Variants in ANXA8 observed in about 807,000 individuals in gnomAD.
ANXA8 encodes the protein annexin A8.
In ANXA8, 9 loss-of-function variants were observed where a neutral mutation model predicts 26.8. The observed-to-expected ratio is 0.34, with a 90% CI of 0.20 to 0.59. The LOEUF (loss-of-function observed/expected upper bound fraction) is 0.59. ANXA8 is among the 20% of genes least tolerant of loss of function. ANXA8 has a pLI of 0.84. For missense variants in ANXA8, 83 were observed against 238.5 expected (o/e 0.35, Z 4.29); for synonymous variants, 39 against 94.8 (o/e 0.41, Z 3.42).
At chr10:47,974,124 C>T in the ANXA8 span, among the ~76,000 whole-genome samples, 1 of 150,916 alleles carries the variant, frequency 6.6e-6, no homozygotes, top group African/African-American at 2.4e-5. Context: ...CCATACTGTT[C>T]AAGCACATGG....
At chr10:47,484,190 C>T, upstream of ANXA8, 1 of 789,168 alleles carries the variant, frequency 1.3e-6, no homozygotes, top group Non-Finnish European at 2.2e-6. Flanking sequence ...GGGAATTACA[C>T]AACTCACTGG....
chr10:47,696,135 A>G, the ANXA8 span, among the ~76,000 whole-genome samples: 1 of 151,906 alleles, frequency 6.6e-6, no homozygotes, highest in Non-Finnish European at 1.5e-5. Context: ...TTATGTAAAT[A>G]AAAGCTATTA....
chr10:47,685,465 C>T, the ANXA8 span, among the ~76,000 whole-genome samples: 3 of 151,778 alleles, frequency 2.0e-5, no homozygotes, highest in Admixed American at 6.6e-5. Flanking sequence ...AGGACTGCTT[C>T]GTGTCATCCC....
At chr10:47,991,535 C>G in the ANXA8 span, 8 of 1,567,376 alleles carry the variant, frequency 5.1e-6, no homozygotes, top group African/African-American at 1.1e-4. Context: ...CGGCCCCTTC[C>G]CACCCTCCAT....
At chr10:47,703,211 A>G in the ANXA8 span, among the ~76,000 whole-genome samples, 1 of 151,780 alleles carries the variant, frequency 6.6e-6, no homozygotes, top group Non-Finnish European at 1.5e-5. Context: ...ACCAGAGGGG[A>G]AGAGAGAGCT....
chr10:47,644,770 AGAGTT>A, the ANXA8 span, among the ~76,000 whole-genome samples: 1 of 151,020 alleles, frequency 6.6e-6, no homozygotes, highest in East Asian at 1.9e-4. Flanking sequence ...GCTAATCCTT[AGAGTT>A]GTTTCATTTT....
the ANXA8 span, among the ~76,000 whole-genome samples, chr10:47,694,670 T>C: frequency 1.1e-3 from 173 of 151,942 alleles, 2 homozygotes; most frequent in East Asian, 8.7e-3. Flanking sequence ...CTGCCCACCT[T>C]GGCCTCCCAA....
intron 4 of ANXA8, among the ~76,000 whole-genome samples, chr10:47,476,668 C>G (rs1312197706): frequency 1.4e-5 from 1 of 73,432 alleles, no homozygotes; most frequent in African/African-American, 5.1e-5. Context: ...TGGCAGTGCC[C>G]ATGCAGCAAG....
chr10:47,546,671 C>T, the ANXA8 span, among the ~76,000 whole-genome samples: 2 of 134,538 alleles, frequency 1.5e-5, no homozygotes, highest in Admixed American at 1.5e-4. Flanking sequence ...CTCCGAAGTG[C>T]TGGGATTACA....
At chr10:47,472,571 TG>T (rs1275063235) in intron 9 of ANXA8, among the ~76,000 whole-genome samples, 1 of 151,692 alleles carries the variant, frequency 6.6e-6, no homozygotes, top group Admixed American at 6.6e-5. Flanking sequence ...AGAAGCACCA[TG>T]GGATGGTGGC....
the ANXA8 span, among the ~76,000 whole-genome samples, chr10:47,945,120 A>G: frequency 6.7e-6 from 1 of 150,262 alleles, no homozygotes; most frequent in Non-Finnish European, 1.5e-5. Flanking sequence ...TCAGGCCCTG[A>G]GTTCGACCCT....
At chr10:47,673,069 A>G in the ANXA8 span, among the ~76,000 whole-genome samples, 25 of 149,924 alleles carry the variant, frequency 1.7e-4, no homozygotes, top group Non-Finnish European at 2.7e-4. Context: ...TTTTTTTAAA[A>G]TCAGATTTTT....
At chr10:47,645,667 G>A in the ANXA8 span, among the ~76,000 whole-genome samples, 629 of 151,624 alleles carry the variant, frequency 4.1e-3, 16 homozygotes, top group African/African-American at 0.015. Flanking sequence ...TGGGCTAAGG[G>A]TTGCCCACAT....
At chr10:47,575,316 A>G in the ANXA8 span, among the ~76,000 whole-genome samples, 1 of 64,836 alleles carries the variant, frequency 1.5e-5, no homozygotes, top group South Asian at 6.0e-4. Flanking sequence ...AGATTGTTTT[A>G]TGATTTTTTA....
the ANXA8 span, among the ~76,000 whole-genome samples, chr10:47,778,187 GC>G: frequency 6.8e-6 from 1 of 147,798 alleles, no homozygotes; most frequent in Admixed American, 6.8e-5. Context: ...CATTATCCTG[GC>G]TGAACATCCC....
chr10:47,975,760 C>T, the ANXA8 span, among the ~76,000 whole-genome samples: 1 of 149,762 alleles, frequency 6.7e-6, no homozygotes, highest in African/African-American at 2.4e-5. Flanking sequence ...ACAGACACGC[C>T]TCTAAACTGT....
At chr10:47,950,432 A>G in the ANXA8 span, among the ~76,000 whole-genome samples, 2 of 152,116 alleles carry the variant, frequency 1.3e-5, no homozygotes. Flanking sequence ...CTAAATACAG[A>G]TTTTTAGGTG....
the ANXA8 span, among the ~76,000 whole-genome samples, chr10:47,576,820 A>G: frequency 3.7e-4 from 56 of 150,072 alleles, 2 homozygotes; most frequent in Admixed American, 2.7e-4. Flanking sequence ...TGCCTGGCCT[A>G]GAGAGATTTT....
At chr10:47,500,198 T>C in the ANXA8 span, among the ~76,000 whole-genome samples, 1 of 142,780 alleles carries the variant, frequency 7.0e-6, no homozygotes, top group African/African-American at 2.6e-5. Flanking sequence ...GAAACCACCA[T>C]GCTTGGCTTG....
Sources: gnomAD v4.1 joint callset for allele counts (sites outside exome capture counted in the v4.1 genomes callset) on GRCh38, gnomAD v4.1.1 for gene constraint, MANE v1.5 for transcripts, NCBI Gene and HGNC (gene_info 2026-07-23, HGNC 2026-07-21) for gene names.